The following KIF13B variants were observed in gnomAD, a reference collection of about 807,000 sequenced individuals.
KIF13B encodes kinesin family member 13B, also known as kinesin-like protein KIF13B.
In KIF13B, 127 loss-of-function variants were observed where a neutral mutation model predicts 222.0. That is an observed-to-expected ratio of 0.57 (90% confidence interval 0.50 to 0.66). The LOEUF (loss-of-function observed/expected upper bound fraction) is 0.66. Ranked by LOEUF, KIF13B falls within the 30% of genes least tolerant of loss-of-function variation. The pLI is 0.00. For synonymous variants in KIF13B, 976 were observed against 919.0 expected (o/e 1.06, Z -1.12); for missense variants, 2,173 against 2,379.0 (o/e 0.91, Z 1.80).
intron 13 of KIF13B, among the ~76,000 whole-genome samples, chr8:29,157,035 T>A (rs746669170): frequency 3.3e-5 from 5 of 152,000 alleles, no homozygotes; most frequent in African/African-American, 4.8e-5. Context: ...CCTCTTTCTT[T>A]CTCTTACAAG....
chr8:29,163,657 GA>G (rs1263820982), intron 12 of KIF13B, among the ~76,000 whole-genome samples: 2 of 152,118 alleles, frequency 1.3e-5, no homozygotes, highest in Non-Finnish European at 2.9e-5. Context: ...TCTTCAATGA[GA>G]AAAGAAAAAC....
chr8:29,109,290 G>T, intron 34 of KIF13B, 144 bp downstream of exon 34: 1 of 675,772 alleles, frequency 1.5e-6, no homozygotes, highest in South Asian at 1.7e-5. Context: ...GACCCAGTGG[G>T]GTGGAGACCA....
chr8:29,213,910 A>C (rs6558099), intron 2 of KIF13B, among the ~76,000 whole-genome samples: 128,157 of 152,036 alleles, frequency 0.84, 54,664 homozygotes, highest in Non-Finnish European at 0.88. Context: ...GCCGAGATTG[A>C]GCCACAGCAC....
chr8:29,084,454 C>T (rs1586753943), intron 37 of KIF13B, among the ~76,000 whole-genome samples: 1 of 152,140 alleles, frequency 6.6e-6, no homozygotes, highest in Non-Finnish European at 1.5e-5. Context: ...CAGAGGGGTG[C>T]TCTTTCTACA....
intron 5 of KIF13B, 65 bp from the exon 6 acceptor site, chr8:29,186,537 C>A: frequency 7.4e-7 from 1 of 1,357,536 alleles, no homozygotes; most frequent in East Asian, 2.3e-5. Flanking sequence ...ACCCTCTTTC[C>A]GTTGCTCATA....
chr8:29,098,986 G>C (rs1263208860), intron 36 of KIF13B, 147 bp downstream of exon 36: 7 of 699,022 alleles, frequency 1.0e-5, no homozygotes, highest in South Asian at 1.7e-5. Flanking sequence ...AGAGCCAATG[G>C]AACTCAACCT....
At chr8:29,262,539 G>A (rs1467121434) in intron 1 of KIF13B, among the ~76,000 whole-genome samples, 7 of 151,836 alleles carry the variant, frequency 4.6e-5, no homozygotes, top group South Asian at 2.1e-4. Context: ...GTCCCGGGGG[G>A]TCCCGGGCGG....
chr8:29,082,953 C>G (rs757467558), intron 37 of KIF13B, among the ~76,000 whole-genome samples: 1 of 152,144 alleles, frequency 6.6e-6, no homozygotes, highest in Non-Finnish European at 1.5e-5. Flanking sequence ...AGGGAGACCC[C>G]GTCTCTACAA....
At chr8:29,152,082 G>C (rs978860155) in intron 14 of KIF13B, among the ~76,000 whole-genome samples, 1 of 152,206 alleles carries the variant, frequency 6.6e-6, no homozygotes, top group African/African-American at 2.4e-5. Flanking sequence ...TTTAGGGGAG[G>C]AAGTAACTGC....
chr8:29,079,301 C>A (rs771465088), intron 37 of KIF13B, among the ~76,000 whole-genome samples: 3 of 152,106 alleles, frequency 2.0e-5, no homozygotes, highest in African/African-American at 4.8e-5. Context: ...AATTCTCCTG[C>A]AACTGCAGGG....
intron 37 of KIF13B, among the ~76,000 whole-genome samples, chr8:29,092,025 G>A (rs1808322325): frequency 6.6e-6 from 1 of 152,224 alleles, no homozygotes; most frequent in South Asian, 2.1e-4. Context: ...TGAATGTTTA[G>A]AAGAACGTGA....
At chr8:29,194,996 C>T (rs1372242590) in intron 3 of KIF13B, among the ~76,000 whole-genome samples, 1 of 152,144 alleles carries the variant, frequency 6.6e-6, no homozygotes, top group Non-Finnish European at 1.5e-5. Flanking sequence ...GCCTGTAATC[C>T]CAGCACTTTG....
rs1807311265 is a variant in KIF13B, at chr8:29,072,005, T to TG, written c.4832dup (p.Pro1612ThrfsTer79). 1 of 1,284,736 alleles carries TG rather than the reference T, an allele frequency of 7.8e-7. No homozygotes were observed. The highest frequency in any genetic ancestry group is 9.8e-7 in the Non-Finnish European group (1 of 1,019,350). The allele number at this position is 1,284,736 out of a possible 1,614,324, so 79.6% of individuals were successfully genotyped here. A position where few individuals can be genotyped will look rare whatever the true frequency, so the allele number is the denominator to read the frequency against. On this transcript the variant is annotated frameshift_variant, in exon 39 of 40. Transcript: ENST00000524189. LOFTEE classifies it high-confidence loss of function. Reference sequence around the variant, plus strand: ...CCTCGGCGGGGACGGCCGTGGGCGGTGGGGGGTGGCTGATGGGCGCCTCGG... The same window carrying TG: ...CCTCGGCGGGGACGGCCGTGGGCGGTGGGGGGGTGGCTGATGGGCGCCTCGG...
chr8:29,249,244 A>G (rs555757193), intron 1 of KIF13B, among the ~76,000 whole-genome samples: 35 of 152,188 alleles, frequency 2.3e-4, no homozygotes, highest in Non-Finnish European at 4.4e-4. Context: ...CCTGGCCAAC[A>G]TGGTGAAACC....
intron 2 of KIF13B, among the ~76,000 whole-genome samples, chr8:29,225,708 C>T (rs1275285476): frequency 6.6e-6 from 1 of 152,218 alleles, no homozygotes. Context: ...CAGCGTCTCT[C>T]TCCAACTAAA....
intron 1 of KIF13B, among the ~76,000 whole-genome samples, chr8:29,249,424 C>T (rs150034696): frequency 6.1e-5 from 8 of 132,196 alleles, no homozygotes; most frequent in Admixed American, 1.5e-4. Flanking sequence ...AGCAAGACTC[C>T]GTCTTTAAAA....
chr8:29,183,299 G>C (rs1812795870), intron 6 of KIF13B, among the ~76,000 whole-genome samples: 1 of 151,154 alleles, frequency 6.6e-6, no homozygotes, highest in African/African-American at 2.4e-5. Flanking sequence ...TTACAGGTGT[G>C]CATCACCACA....
At chr8:29,183,471 T>C (rs191049228) in intron 6 of KIF13B, among the ~76,000 whole-genome samples, 1 of 152,214 alleles carries the variant, frequency 6.6e-6, no homozygotes, top group East Asian at 1.9e-4. Context: ...AGTTTTTGGG[T>C]GGTTCTTTGA....
In KIF13B at chr8:29,148,585, C is replaced by A; in HGVS notation, c.1805G>T (p.Gly602Val). The change falls in exon 16 of 40, where the codon GGC becomes GTC. Residue 602 changes from glycine (G) to valine (V), a missense_variant. By Grantham distance (109) the Gly-to-Val change is moderately radical (BLOSUM62 -3). This residue lies in a region of KIF13B where 1,480 missense variants were observed against 1,722.8 expected (regional missense o/e 0.86). Transcript: ENST00000524189. ...AQMEVTMKALGSNDPMQSILN... is the reference protein window; with the variant it reads ...AQMEVTMKALVSNDPMQSILN... Reference sequence around the variant, plus strand: ...ACGCCCGACTTGCTCACCATTGCTGCCCAGGGCCTTCATGGTGACCTCCAT... The same window carrying A: ...ACGCCCGACTTGCTCACCATTGCTGACCAGGGCCTTCATGGTGACCTCCAT... The A allele has an allele frequency of 3.1e-6, 5 of 1,603,016 alleles. No individual in the cohort carries two copies. Among genetic ancestry groups the A allele is most frequent in the Non-Finnish European group, 4.3e-6 (5 of 1,174,038 alleles).
Sources: gnomAD v4.1 joint callset for allele counts (sites outside exome capture counted in the v4.1 genomes callset) on GRCh38, gnomAD v4.1.1 for gene constraint, gnomAD v4.1.1 regional missense constraint, MANE v1.5 for transcripts, NCBI Gene and HGNC (gene_info 2026-07-23, HGNC 2026-07-21) for gene names.